MNAT1: variants seen among roughly 807,000 people sequenced by gnomAD.
MNAT1 encodes CDK-activating kinase assembly factor MAT1.
MNAT1 carries 43 observed loss-of-function variants against 42.0 expected under a neutral mutation model. The ratio of observed to expected loss-of-function variants is 1.02; its 90% CI spans 0.80 to 1.32. The LOEUF (loss-of-function observed/expected upper bound fraction) is 1.32, where lower values mean the gene tolerates loss of function less well. MNAT1 is among the 40% of genes most tolerant of loss of function. MNAT1 has a pLI of 0.00. For synonymous variants in MNAT1, 118 were observed against 120.0 expected, an observed-to-expected ratio of 0.98 and a Z score of 0.11; for missense variants, 306 against 350.4, an observed-to-expected ratio of 0.87 and a Z score of 1.01.
At chr14:60,962,162 A>G (rs1000606337) in intron 7 of MNAT1, among the ~76,000 whole-genome samples, 1 of 152,248 alleles carries the variant, frequency 6.6e-6, no homozygotes, top group African/African-American at 2.4e-5. Context: ...GAATCAAAAA[A>G]TAAAAACAAT....
intron 6 of MNAT1, among the ~76,000 whole-genome samples, chr14:60,829,686 T>C (rs981582748): frequency 1.3e-5 from 2 of 152,200 alleles, no homozygotes; most frequent in African/African-American, 4.8e-5. Flanking sequence ...CTATGAGTGG[T>C]GGGAAGCTTT....
At chr14:60,840,089 G>A (rs2033504714) in intron 6 of MNAT1, among the ~76,000 whole-genome samples, 1 of 152,164 alleles carries the variant, frequency 6.6e-6, no homozygotes, top group Non-Finnish European at 1.5e-5. Flanking sequence ...ATTGATTTGA[G>A]GTTTTTCCAA....
chr14:60,954,111 T>C (rs2036435891), intron 7 of MNAT1, among the ~76,000 whole-genome samples: 2 of 152,198 alleles, frequency 1.3e-5, no homozygotes, highest in Non-Finnish European at 2.9e-5. Context: ...TTTAGCTTTG[T>C]AGTATACTTT....
chr14:60,837,113 G>A (rs1285817041), intron 6 of MNAT1, among the ~76,000 whole-genome samples: 3 of 152,198 alleles, frequency 2.0e-5, no homozygotes, highest in Non-Finnish European at 4.4e-5. Flanking sequence ...AGACTGTTGT[G>A]CTGGCAGTGA....
At chr14:60,837,829 T>C (rs2033434607) in intron 6 of MNAT1, among the ~76,000 whole-genome samples, 1 of 152,244 alleles carries the variant, frequency 6.6e-6, no homozygotes, top group African/African-American at 2.4e-5. Flanking sequence ...AGGTGTTAAA[T>C]ATTCTTAAAA....
intron 7 of MNAT1, among the ~76,000 whole-genome samples, chr14:60,929,163 AAAAAAAAATATATATAT>A (rs1301608890): frequency 8.1e-6 from 1 of 124,042 alleles, no homozygotes; most frequent in Non-Finnish European, 1.7e-5. Flanking sequence ...AAAAAAAAAA[AAAAAAAAATATATATAT>A]ATATATATAT....
chr14:60,876,466 C>T lies in MNAT1; in HGVS notation c.688-3248C>T, dbSNP rs540173254. On this transcript the variant is annotated intron_variant, in intron 6 of 7. Transcript: ENST00000261245. ...GTTCATGTAATCCCTTTTAACTGTA[C>T]ATTTCTGTGACATTAAGTACATCCA... 1.6e-4 allele frequency among the ~76,000 whole-genome samples: 24 copies of T among 152,090 alleles called. No homozygotes were observed. The South Asian group carries it at 1.9e-3, about 12-fold the overall frequency.
In MNAT1 at chr14:60,912,938, T is replaced by C. The variant is rs2035410229; in HGVS notation, c.809+33103T>C. On this transcript the variant is annotated intron_variant, in intron 7 of 7. Coordinates refer to ENST00000261245, the MANE Select transcript of MNAT1 (RefSeq NM_002431.4). Reference sequence around the variant, plus strand: ...CAGAGTGTTTTCCAGCTTGGTTCCATTCTCCCCGTCACTTTCAGGTACACC... The same window carrying C: ...CAGAGTGTTTTCCAGCTTGGTTCCACTCTCCCCGTCACTTTCAGGTACACC... 2.0e-5 allele frequency among the ~76,000 whole-genome samples: 3 copies of C among 152,364 alleles called. No individual in the cohort carries two copies. The South Asian group carries it at 6.2e-4, about 32-fold the overall frequency.
intron 6 of MNAT1, among the ~76,000 whole-genome samples, chr14:60,825,360 A>G (rs1222908044): frequency 1.3e-5 from 2 of 152,234 alleles, no homozygotes; most frequent in African/African-American, 4.8e-5. Context: ...CAGAATACAG[A>G]TGAAAGTCTA....
chr14:60,815,086 A>G (rs1350899391), intron 5 of MNAT1, among the ~76,000 whole-genome samples: 1 of 152,174 alleles, frequency 6.6e-6, no homozygotes, highest in Admixed American at 6.5e-5. Context: ...TAATTAATTG[A>G]ATTAATCCCA....
chr14:60,943,680 C>T (rs1235688129), intron 7 of MNAT1, among the ~76,000 whole-genome samples: 2 of 151,620 alleles, frequency 1.3e-5, no homozygotes, highest in African/African-American at 4.9e-5. Flanking sequence ...CAAATAAATG[C>T]ATTATTTTGC....
chr14:60,873,988 G>T (rs1294144364), intron 6 of MNAT1, among the ~76,000 whole-genome samples: 1 of 151,998 alleles, frequency 6.6e-6, no homozygotes, highest in Non-Finnish European at 1.5e-5. Flanking sequence ...ATAAGAATTT[G>T]ATTATATTTC....
rs74900334 is a variant in MNAT1, at chr14:60,935,513, A to G, written c.810-32716A>G. Among the ~76,000 whole-genome samples the G allele has an allele frequency of 5.1e-3, 781 of 152,294 alleles. 14 individuals are homozygous for G. The highest frequency in any genetic ancestry group is 0.018 in the African/African-American group (734 of 41,552). ...AAATTACTTCCAGATGTGTTGCTTT[A>G]TTCCTTGTCTTCAAGAAGTAGTATC... On this transcript the variant is annotated intron_variant, in intron 7 of 7. Transcript: ENST00000261245.
intron 7 of MNAT1, among the ~76,000 whole-genome samples, chr14:60,912,846 G>C (rs919354218): frequency 6.6e-6 from 1 of 152,144 alleles, no homozygotes; most frequent in Non-Finnish European, 1.5e-5. Context: ...GGCGTTCTCT[G>C]TATTTCCTGA....
chr14:60,755,383 C>A (rs1422875870), intron 1 of MNAT1, among the ~76,000 whole-genome samples: 1 of 152,156 alleles, frequency 6.6e-6, no homozygotes, highest in Admixed American at 6.5e-5. Context: ...ACCTCATGAT[C>A]CACCCGCCCT....
intron 1 of MNAT1, among the ~76,000 whole-genome samples, chr14:60,762,694 A>C (rs2030654725): frequency 8.1e-6 from 1 of 122,772 alleles, no homozygotes; most frequent in Non-Finnish European, 1.7e-5. Flanking sequence ...CAACAGAGCG[A>C]GACTCTGTCT....
At chr14:60,840,788 C>T (rs148448990) in intron 6 of MNAT1, among the ~76,000 whole-genome samples, 6 of 152,196 alleles carry the variant, frequency 3.9e-5, no homozygotes, top group African/African-American at 1.2e-4. Flanking sequence ...CTCAGCCTCA[C>T]GAGTAGCTGG....
chr14:60,906,657 C>T (rs1041984296), intron 7 of MNAT1, among the ~76,000 whole-genome samples: 3 of 151,994 alleles, frequency 2.0e-5, no homozygotes, highest in African/African-American at 7.3e-5. Flanking sequence ...ATCTGAACAA[C>T]AAAGCTGCAA....
intron 7 of MNAT1, among the ~76,000 whole-genome samples, chr14:60,889,088 G>GA (rs1026965375): frequency 1.3e-5 from 2 of 151,138 alleles, no homozygotes; most frequent in African/African-American, 4.9e-5. Flanking sequence ...CACAGAATTG[G>GA]AAAAAACTTA....
Sources: gnomAD v4.1 joint callset for allele counts (sites outside exome capture counted in the v4.1 genomes callset) on GRCh38, gnomAD v4.1.1 for gene constraint, MANE v1.5 for transcripts, NCBI Gene and HGNC (gene_info 2026-07-23, HGNC 2026-07-21) for gene names.